Variants in ARPIN observed in about 807,000 individuals in gnomAD.
The protein encoded by ARPIN is UPF0552 protein C15orf38.
ARPIN carries 23 observed loss-of-function variants against 25.9 expected under a neutral mutation model. That is an observed-to-expected ratio of 0.89 (90% confidence interval 0.64 to 1.26). The LOEUF (loss-of-function observed/expected upper bound fraction) is 1.26. Ranked by LOEUF, ARPIN falls within the 50% of genes most tolerant of loss-of-function variation. The probability of loss-of-function intolerance (pLI) is 0.00; values close to 1 mark genes in which losing one functional copy is unlikely to be tolerated. For synonymous variants in ARPIN, 126 were observed against 131.4 expected (o/e 0.96, Z 0.28); for missense variants, 333 against 312.2 (o/e 1.07, Z -0.50).
At chr15:89,909,611 A>C (rs1366539913) in intron 2 of ARPIN, among the ~76,000 whole-genome samples, 1 of 152,228 alleles carries the variant, frequency 6.6e-6, no homozygotes, top group Non-Finnish European at 1.5e-5. Context: ...AGCAGCAGTG[A>C]GACCCTCAGA....
At chr15:89,909,760 A>G (rs1011627223) in intron 2 of ARPIN, among the ~76,000 whole-genome samples, 1 of 152,182 alleles carries the variant, frequency 6.6e-6, no homozygotes, top group African/African-American at 2.4e-5. Flanking sequence ...AGCCATGGAA[A>G]GAGGAAGGGA....
intron 3 of ARPIN, among the ~76,000 whole-genome samples, chr15:89,907,690 C>A (rs1318272003): frequency 2.0e-5 from 3 of 152,162 alleles, no homozygotes; most frequent in Non-Finnish European, 2.9e-5. Flanking sequence ...ACAGTCCCAG[C>A]TATTCTGGAG....
In ARPIN at chr15:89,903,793, G is replaced by A. The variant is rs753973742; in HGVS notation, c.492C>T (p.Gly164=). The change falls in exon 4 of 6, where the codon GGC becomes GGT. Residue 164 remains glycine (G), a synonymous_variant. Coordinates refer to ENST00000357484, the MANE Select transcript of ARPIN (RefSeq NM_182616.4). ...ATTGCTCACCCAGGAAGGGACCATC[G>A]CCCCGAGTCTTCAGCCGTACCCCGG... The part of the protein sequence containing the change: ...LGAGVRLKTR[G]DGPFLDSLAK... 21 of 1,614,044 alleles carry A rather than the reference G, an allele frequency of 1.3e-5. No homozygotes were observed. Among genetic ancestry groups the A allele is most frequent in the South Asian group, 1.1e-4 (10 of 91,090 alleles).
chr15:89,901,887 A>G, intron 5 of ARPIN, 84 bp from the exon 6 acceptor site: 1 of 1,532,536 alleles, frequency 6.5e-7, no homozygotes. Context: ...ACAAGGGTTC[A>G]ATTGCGTGGT....
chr15:89,910,698 C>T, intron 2 of ARPIN, 46 bp downstream of exon 2: 4 of 1,612,464 alleles, frequency 2.5e-6, no homozygotes, highest in Non-Finnish European at 1.7e-6. Context: ...TGGATGATGA[C>T]CGTGAAGTCA....
chr15:89,903,022 A>G, intron 5 of ARPIN, 194 bp downstream of exon 5: 1 of 1,457,590 alleles, frequency 6.9e-7, no homozygotes, highest in Middle Eastern at 1.9e-4. Flanking sequence ...CCTACAAGAA[A>G]GGTCCCAGGT....
At position 89,903,800 on chromosome 15, in the gene ARPIN, G is replaced by A; in HGVS notation, c.485C>T (p.Thr162Ile). The A allele has an allele frequency of 6.2e-7, 1 of 1,614,188 alleles. No homozygotes were observed. Among genetic ancestry groups the A allele is most frequent in the Non-Finnish European group, 8.5e-7 (1 of 1,180,036 alleles). The change falls in exon 4 of 6, where the codon ACT becomes ATT. Residue 162 changes from threonine (T) to isoleucine (I), a missense_variant. Transcript: ENST00000357484. ...ACCCAGGAAGGGACCATCGCCCCGA[G>A]TCTTCAGCCGTACCCCGGCCCCCAG... ...LELGAGVRLK[T>I]RGDGPFLDSL...
At chr15:89,912,663 T>TTTC in intron 1 of ARPIN, 81 bp downstream of exon 1, 1 of 871,110 alleles carries the variant, frequency 1.1e-6, no homozygotes. Flanking sequence ...CCCACCCGCA[T>TTTC]CCCACCCCCC....
Position 89,898,831 on chromosome 15 carries a change from GC to G in ARPIN, c.*2963del, listed in dbSNP as rs1265810964. ...GGGGGCCCCTGAAAGCAGGGTTTCA[GC>G]CCTGCTGTAGTTCCTCAACTCCCCA... On this transcript the variant is annotated 3_prime_UTR_variant, in exon 6 of 6. Transcript: ENST00000357484. 6.6e-6 allele frequency: 1 copy of G among 152,252 alleles called. No homozygotes were observed. Among genetic ancestry groups the G allele is most frequent in the Non-Finnish European group, 1.5e-5 (1 of 68,072 alleles). 9.4% of individuals were successfully genotyped at this position (152,252 alleles called of 1,614,324 possible).
intron 3 of ARPIN, among the ~76,000 whole-genome samples, chr15:89,907,877 A>C (rs530110748): frequency 1.3e-5 from 2 of 152,328 alleles, no homozygotes; most frequent in South Asian, 4.1e-4. Flanking sequence ...TTAATAAATC[A>C]CCCAGCCTAA....
Position 89,907,091 on chromosome 15 carries a change from C to T in ARPIN, c.301+1189G>A, listed in dbSNP as rs555945332. ...TTATTATTACTATTTTTTTTTGAAA[C>T]GGAGTCTCACTCTGTTGCCTAGGCT... is the stretch of plus-strand genomic sequence containing the variant. On this transcript the variant is annotated intron_variant, in intron 3 of 5. Transcript: ENST00000357484. 5.9e-4 allele frequency among the ~76,000 whole-genome samples: 87 copies of T among 147,236 alleles called. 1 individual carries two copies. The East Asian group carries it at 0.015, about 26-fold the overall frequency.
chr15:89,903,186 G>A (rs1596232931), intron 5 of ARPIN, 30 bp downstream of exon 5: 2 of 1,614,122 alleles, frequency 1.2e-6, no homozygotes, highest in Non-Finnish European at 1.7e-6. Flanking sequence ...CCTGCCAGGA[G>A]ATACAACTGC....
intron 3 of ARPIN, among the ~76,000 whole-genome samples, chr15:89,906,976 A>G (rs1374681646): frequency 6.6e-6 from 1 of 152,088 alleles, no homozygotes; most frequent in Non-Finnish European, 1.5e-5. Context: ...GAAAAGGAAA[A>G]AAAAAAAGTC....
chr15:89,910,914 G>A, intron 1 of ARPIN, 95 bp from the exon 2 acceptor site: 2 of 1,153,002 alleles, frequency 1.7e-6, no homozygotes, highest in Non-Finnish European at 2.4e-6. Flanking sequence ...AGAAGGCTGG[G>A]TACTGAGCAG....
chr15:89,910,778 G>C lies in ARPIN; in HGVS notation c.134C>G (p.Ser45Cys). The C allele has an allele frequency of 6.2e-7, 1 of 1,614,180 alleles. No homozygotes were observed. The highest frequency in any genetic ancestry group is 8.5e-7 in the Non-Finnish European group (1 of 1,180,014). ...ATGAGTGTCCAAGATGCTGTGCCGA[G>C]ATACATCGATCAGTTCTCCCTCCAG... ...VLLEGELIDV[S>C]RHSILDTHGR... is the part of the protein sequence containing the mutation. Residue 45 changes from serine to cysteine, a missense_variant, in exon 2 of 6, where the codon TCT becomes TGT. Transcript: ENST00000357484.
At position 89,901,416 on chromosome 15, in the gene ARPIN, C is replaced by G. The variant is rs180751413; in HGVS notation, c.*379G>C. ...ACATGAGGCTGGGTGCAGTGGCTCA[C>G]GCCTGTAATCCCAACACCTTGGGAG... On this transcript the variant is annotated 3_prime_UTR_variant, in exon 6 of 6. Transcript: ENST00000357484. 2.4e-5 allele frequency: 6 copies of G among 251,766 alleles called. No homozygotes were observed. The highest frequency in any genetic ancestry group is 4.6e-5 in the Non-Finnish European group (6 of 130,398). 15.6% of individuals were successfully genotyped at this position (251,766 alleles called of 1,614,324 possible).
At chr15:89,907,650 GT>G (rs1897146196) in intron 3 of ARPIN, among the ~76,000 whole-genome samples, 2 of 152,114 alleles carry the variant, frequency 1.3e-5, no homozygotes, top group African/African-American at 4.8e-5. Flanking sequence ...AGACATTTCT[GT>G]TCTTAAGTAG....
chr15:89,905,388 T>C (rs923108400), intron 3 of ARPIN, among the ~76,000 whole-genome samples: 3 of 152,024 alleles, frequency 2.0e-5, no homozygotes, highest in Admixed American at 6.6e-5. Flanking sequence ...AGGAGGCCTC[T>C]CCTCCTGCCT....
chr15:89,912,860 GCA>G lies in ARPIN; in HGVS notation c.-27_-26del. Reference sequence around the variant, plus strand: ...TTCTCCCGACCGCCCGGGCACCCCGGCACAGAGCCGGCGCACTGGGCTGGGGG... The same window carrying G: ...TTCTCCCGACCGCCCGGGCACCCCGGCAGAGCCGGCGCACTGGGCTGGGGG... On this transcript the variant is annotated 5_prime_UTR_variant, in exon 1 of 6. Transcript: ENST00000357484. The G allele has an allele frequency of 6.6e-7, 1 of 1,512,646 alleles. No homozygotes were observed. The highest frequency in any genetic ancestry group is 8.8e-7 in the Non-Finnish European group (1 of 1,134,592). 93.7% of individuals were successfully genotyped at this position (1,512,646 alleles called of 1,614,324 possible).
Sources: allele counts gnomAD v4.1 joint callset (sites outside exome capture counted in the v4.1 genomes callset), GRCh38; gene constraint gnomAD v4.1.1; transcripts MANE v1.5; gene names NCBI Gene and HGNC (gene_info 2026-07-23, HGNC 2026-07-21).